PLCB4: variants seen among roughly 807,000 people sequenced by gnomAD.
PLCB4 encodes phospholipase C beta 4, also known as 1-phosphatidylinositol 4,5-bisphosphate phosphodiesterase beta-4.
In PLCB4, 77 loss-of-function variants were observed where a neutral mutation model predicts 178.8. That is an observed-to-expected ratio of 0.43 (90% confidence interval 0.36 to 0.52). The LOEUF (loss-of-function observed/expected upper bound fraction) is 0.52. PLCB4 is among the 20% of genes least tolerant of loss of function. PLCB4 has a pLI of 0.00. For missense variants in PLCB4, 1,024 were observed against 1,453.4 expected (o/e 0.70, Z 4.80); for synonymous variants, 496 against 490.8 (o/e 1.01, Z -0.14).
intron 21 of PLCB4, among the ~76,000 whole-genome samples, chr20:9,407,215 G>A (rs2039507896): frequency 6.6e-6 from 1 of 152,128 alleles, no homozygotes; most frequent in Non-Finnish European, 1.5e-5. Flanking sequence ...TCTGAGTGTG[G>A]GGCCCAGGAA....
chr20:9,413,921 G>T (rs2148528223), intron 25 of PLCB4, among the ~76,000 whole-genome samples: 1 of 152,138 alleles, frequency 6.6e-6, no homozygotes, highest in African/African-American at 2.4e-5. Context: ...CACATGGCTA[G>T]TTTTTTTATT....
Position 9,338,039 on chromosome 20 carries a change from A to G in PLCB4, c.197A>G (p.Asn66Ser), listed in dbSNP as rs760029353. The change falls in exon 6 of 40, where the codon AAC (asparagine) becomes AGC (serine). Residue 66 changes from asparagine to serine, a missense_variant. Asn to Ser is a conservative substitution (Grantham distance 46). Coordinates refer to ENST00000378473, the MANE Select transcript of PLCB4 (RefSeq NM_001377142.1). ...CAGGTGCTAGAATGCTCCCTCATCAACAGTATTCGGTCGGGAGCCATACCA... is the reference window on the plus strand; with the variant it reads ...CAGGTGCTAGAATGCTCCCTCATCAGCAGTATTCGGTCGGGAGCCATACCA... ...EGQVLECSLINSIRSGAIPKD... is the reference protein window; with the variant it reads ...EGQVLECSLISSIRSGAIPKD... The G allele has an allele frequency of 2.5e-6, 4 of 1,612,058 alleles. No homozygotes were observed. Among genetic ancestry groups the G allele is most frequent in the Non-Finnish European group, 3.4e-6 (4 of 1,178,500 alleles).
At chr20:9,429,770 A>G (rs893900603) in intron 28 of PLCB4, among the ~76,000 whole-genome samples, 5 of 152,242 alleles carry the variant, frequency 3.3e-5, no homozygotes, top group Non-Finnish European at 7.3e-5. Context: ...CTGAATTACA[A>G]TGAAAAATTA....
chr20:9,468,622 C>T lies in PLCB4; in HGVS notation c.3300C>T (p.Ser1100=), dbSNP rs1568906588. ...AGGCTAAGATTTCTATGGAAAATAGCAAAGCCATCAGCCAAGATAAATCTA... is the reference window on the plus strand; with the variant it reads ...AGGCTAAGATTTCTATGGAAAATAGTAAAGCCATCAGCCAAGATAAATCTA... ...AHQAKISMEN[S]KAISQDKSIK... Residue 1100 remains serine (S), a synonymous_variant, in exon 36 of 40, where the codon AGC becomes AGT. Coordinates refer to ENST00000378473, the MANE Select transcript of PLCB4 (RefSeq NM_001377142.1). 1 of 1,611,846 alleles carries T rather than the reference C, an allele frequency of 6.2e-7. No homozygotes were observed. The highest frequency in any genetic ancestry group is 8.5e-7 in the Non-Finnish European group (1 of 1,178,170).
chr20:9,371,690 A>G (rs2036267766), intron 10 of PLCB4, among the ~76,000 whole-genome samples: 1 of 152,252 alleles, frequency 6.6e-6, no homozygotes, highest in Non-Finnish European at 1.5e-5. Context: ...TAATTAACTA[A>G]TAAATTCAAT....
intron 3 of PLCB4, among the ~76,000 whole-genome samples, chr20:9,228,931 G>A (rs1382018508): frequency 6.6e-6 from 1 of 152,130 alleles, no homozygotes; most frequent in Non-Finnish European, 1.5e-5. Flanking sequence ...ATATCAACAG[G>A]CCTGACTCGG....
intron 2 of PLCB4, among the ~76,000 whole-genome samples, chr20:9,111,551 A>T (rs1361221580): frequency 6.6e-6 from 1 of 152,160 alleles, no homozygotes; most frequent in Non-Finnish European, 1.5e-5. Flanking sequence ...GTTTATACTC[A>T]TTTGAAATGT....
At chr20:9,190,749 T>G (rs1233939342) in intron 2 of PLCB4, among the ~76,000 whole-genome samples, 1 of 152,168 alleles carries the variant, frequency 6.6e-6, no homozygotes, top group Non-Finnish European at 1.5e-5. Context: ...GAGCTTGGTT[T>G]GAACATTTTG....
In PLCB4 at chr20:9,272,151, C is replaced by T. The variant is rs2094409519; in HGVS notation, c.-15-35649C>T. ...TATGAACATGCCATTGTACTCCAGC[C>T]TGGGCAACAGAATAAAACCCTGCCC... On this transcript the variant is annotated intron_variant, in intron 3 of 39. Transcript: ENST00000378473. Among the ~76,000 whole-genome samples, 4 of 151,418 alleles carry T rather than the reference C, an allele frequency of 2.6e-5. No individual in the cohort carries two copies. The South Asian group carries it at 8.4e-4, about 32-fold the overall frequency.
intron 3 of PLCB4, among the ~76,000 whole-genome samples, chr20:9,295,102 T>A (rs960579402): frequency 2.0e-5 from 3 of 152,140 alleles, no homozygotes; most frequent in African/African-American, 7.2e-5. Flanking sequence ...CCTTGAAAGA[T>A]CCAGGAGAGA....
chr20:9,327,886 T>C (rs1413351312), intron 4 of PLCB4, among the ~76,000 whole-genome samples: 1 of 152,230 alleles, frequency 6.6e-6, no homozygotes, highest in African/African-American at 2.4e-5. Context: ...ATAGGTATTG[T>C]GGTTGATGTT....
At chr20:9,330,898 C>A in intron 4 of PLCB4, among the ~76,000 whole-genome samples, 1 of 152,096 alleles carries the variant, frequency 6.6e-6, no homozygotes, top group Non-Finnish European at 1.5e-5. Context: ...ACAACAAGAG[C>A]CCTAAAATTG....
intron 2 of PLCB4, among the ~76,000 whole-genome samples, chr20:9,136,224 C>T (rs563329263): frequency 6.6e-6 from 1 of 152,188 alleles, no homozygotes; most frequent in East Asian, 1.9e-4. Context: ...GTTGGCTTCT[C>T]CCAAAGCTGG....
At position 9,448,773 on chromosome 20, in the gene PLCB4, G is replaced by A. The variant is rs374811632; in HGVS notation, c.2880+4530G>A. ...TTCTACTTTTTAGACTTAAAGAGAA[G>A]CAGAGAATCTATGAACTATATCTCA... On this transcript the variant is annotated intron_variant, in intron 32 of 39. Coordinates refer to ENST00000378473, the MANE Select transcript of PLCB4 (RefSeq NM_001377142.1). Among the ~76,000 whole-genome samples, 8 of 152,284 alleles carry A rather than the reference G, an allele frequency of 5.3e-5. No homozygotes were observed. The East Asian group carries it at 1.2e-3, about 22-fold the overall frequency.
At chr20:9,198,607 A>G (rs2093502301) in intron 2 of PLCB4, among the ~76,000 whole-genome samples, 1 of 152,362 alleles carries the variant, frequency 6.6e-6, no homozygotes, top group South Asian at 2.1e-4. Flanking sequence ...GAATGATCAC[A>G]TGTAAGATGC....
At chr20:9,069,763 G>C (rs937997649) in intron 1 of PLCB4, among the ~76,000 whole-genome samples, 1 of 152,154 alleles carries the variant, frequency 6.6e-6, no homozygotes, top group Non-Finnish European at 1.5e-5. Flanking sequence ...TGTAGACTTC[G>C]TATATGGTAC....
intron 2 of PLCB4, among the ~76,000 whole-genome samples, chr20:9,211,130 A>G (rs2093668714): frequency 6.6e-6 from 1 of 152,126 alleles, no homozygotes; most frequent in Admixed American, 6.5e-5. Context: ...GGAAGTCATT[A>G]GGTGCTACAG....
intron 21 of PLCB4, 96 bp from the exon 22 acceptor site, chr20:9,407,821 G>T: frequency 2.0e-6 from 2 of 1,002,738 alleles, no homozygotes; most frequent in East Asian, 5.1e-5. Context: ...TTCAATTTGT[G>T]TGTGTGCAAT....
chr20:9,277,313 TG>T (rs2094458577), intron 3 of PLCB4, among the ~76,000 whole-genome samples: 1 of 152,094 alleles, frequency 6.6e-6, no homozygotes, highest in Non-Finnish European at 1.5e-5. Context: ...CAAACAGGCC[TG>T]AACAAAACAG....
Sources: allele counts gnomAD v4.1 joint callset (sites outside exome capture counted in the v4.1 genomes callset), GRCh38; gene constraint gnomAD v4.1.1; transcripts MANE v1.5; gene names NCBI Gene and HGNC (gene_info 2026-07-23, HGNC 2026-07-21).